The following UTS2B variants were observed in gnomAD, a reference collection of about 807,000 sequenced individuals.
UTS2B encodes the protein urotensin 2B, also known as urotensin-2B.
A neutral mutation model predicts 19.2 loss-of-function variants in UTS2B; 21 were observed. That is an observed-to-expected ratio of 1.09 (90% CI 0.78 to 1.58). The LOEUF (loss-of-function observed/expected upper bound fraction) is 1.58. Ranked by LOEUF, UTS2B falls within the 40% of genes most tolerant of loss-of-function variation. The pLI, the probability that UTS2B is intolerant of heterozygous loss-of-function variation, is 0.00. For missense variants in UTS2B, 138 were observed against 130.3 expected, an observed-to-expected ratio of 1.06 and a Z score of -0.29; for synonymous variants, 57 against 50.2, an observed-to-expected ratio of 1.14 and a Z score of -0.58.
chr3:191,273,671 G>A, intron 8 of UTS2B: 1 of 443,330 alleles, frequency 2.3e-6, no homozygotes, highest in Non-Finnish European at 4.6e-6. Flanking sequence ...ACACCTAATA[G>A]CCTAAGCTAT....
chr3:191,305,944 G>A (rs903848571), intron 3 of UTS2B, among the ~76,000 whole-genome samples: 8 of 151,874 alleles, frequency 5.3e-5, no homozygotes, highest in African/African-American at 1.5e-4. Flanking sequence ...CTTTTTTTTG[G>A]GGGGTCAGGT....
At chr3:191,291,728 A>G in intron 4 of UTS2B, among the ~76,000 whole-genome samples, 1 of 152,208 alleles carries the variant, frequency 6.6e-6, no homozygotes, top group East Asian at 1.9e-4. Flanking sequence ...CTGGGATTAC[A>G]TGCGTGAGCC....
chr3:191,294,381 T>C (rs1229672960), intron 4 of UTS2B, among the ~76,000 whole-genome samples: 1 of 151,834 alleles, frequency 6.6e-6, no homozygotes, highest in Non-Finnish European at 1.5e-5. Flanking sequence ...TAGCAGTGCC[T>C]TTGTAAGAAA....
At chr3:191,337,168 G>GAA in the UTS2B span, among the ~76,000 whole-genome samples, 1 of 141,118 alleles carries the variant, frequency 7.1e-6, no homozygotes. Flanking sequence ...ATACTAGACA[G>GAA]AAAAAAAAAA....
chr3:191,278,993 A>G (rs1354967129), intron 5 of UTS2B, among the ~76,000 whole-genome samples: 1 of 152,036 alleles, frequency 6.6e-6, no homozygotes, highest in Non-Finnish European at 1.5e-5. Flanking sequence ...AGTAAAAGCA[A>G]TATTAATGAG....
chr3:191,307,301 C>A (rs752741987), intron 3 of UTS2B, among the ~76,000 whole-genome samples: 9 of 152,096 alleles, frequency 5.9e-5, no homozygotes, highest in Non-Finnish European at 1.2e-4. Context: ...CTATACATCT[C>A]CTCACCAACT....
At chr3:191,308,416 A>G (rs1717202189) in intron 3 of UTS2B, among the ~76,000 whole-genome samples, 1 of 152,196 alleles carries the variant, frequency 6.6e-6, no homozygotes, top group Non-Finnish European at 1.5e-5. Context: ...CAGTTGCTGT[A>G]TTACCTCAAA....
At chr3:191,306,892 A>G (rs1717155543) in intron 3 of UTS2B, among the ~76,000 whole-genome samples, 1 of 152,274 alleles carries the variant, frequency 6.6e-6, no homozygotes, top group East Asian at 1.9e-4. Flanking sequence ...TCAGCCTCCC[A>G]AAGTGCTGGG....
At chr3:191,338,698 G>C in the UTS2B span, among the ~76,000 whole-genome samples, 1 of 152,258 alleles carries the variant, frequency 6.6e-6, no homozygotes, top group East Asian at 1.9e-4. Context: ...AAGCTCCATA[G>C]AGCTAATCTT....
intron 3 of UTS2B, among the ~76,000 whole-genome samples, chr3:191,306,528 C>T (rs562998532): frequency 1.3e-5 from 2 of 152,322 alleles, no homozygotes; most frequent in African/African-American, 4.8e-5. Flanking sequence ...TAATACAGCA[C>T]AGAGACATTT....
intron 4 of UTS2B, chr3:191,294,806 A>C (rs553342956): frequency 1.3e-5 from 2 of 151,774 alleles, no homozygotes; most frequent in South Asian, 4.2e-4. Context: ...AGGCTGGTGG[A>C]TCACCTAAGG....
intron 7 of UTS2B, among the ~76,000 whole-genome samples, chr3:191,276,013 T>C: frequency 6.6e-6 from 1 of 152,220 alleles, no homozygotes; most frequent in Non-Finnish European, 1.5e-5. Flanking sequence ...AATGAGCAGG[T>C]CTTTTCAAGG....
chr3:191,310,338 AC>A (rs1364127442), intron 3 of UTS2B, among the ~76,000 whole-genome samples: 3 of 151,998 alleles, frequency 2.0e-5, no homozygotes, highest in African/African-American at 7.3e-5. Context: ...CCCTTTCAAA[AC>A]AAATAGTAGG....
At chr3:191,309,676 C>G (rs1249267365) in intron 3 of UTS2B, among the ~76,000 whole-genome samples, 1 of 152,072 alleles carries the variant, frequency 6.6e-6, no homozygotes, top group Non-Finnish European at 1.5e-5. Flanking sequence ...AGTACCAACC[C>G]CTCGATGCTG....
chr3:191,297,872 G>C (rs1308132982), intron 4 of UTS2B, among the ~76,000 whole-genome samples: 16 of 152,116 alleles, frequency 1.1e-4, no homozygotes. Flanking sequence ...ACTTAAATAA[G>C]TATTTACATT....
Position 191,274,584 on chromosome 3 carries a change from C to T in UTS2B, c.334+668G>A, listed in dbSNP as rs1184457042. Among the ~76,000 whole-genome samples, 4 of 152,230 alleles carry T rather than the reference C, an allele frequency of 2.6e-5. No homozygotes were observed. The East Asian group carries it at 5.8e-4, about 22-fold the overall frequency. ...TTTGAGACATTAAAATATAAAATGT[C>T]TGGTATATGTTTAGGGCTTAACACT... On this transcript the variant is annotated intron_variant, in intron 8 of 8. Coordinates refer to ENST00000340524, the MANE Select transcript of UTS2B (RefSeq NM_198152.5).
upstream of UTS2B, among the ~76,000 whole-genome samples, chr3:191,331,355 G>A (rs1717977767): frequency 2.0e-5 from 3 of 152,068 alleles, no homozygotes; most frequent in Non-Finnish European, 4.4e-5. Flanking sequence ...TTCTGATTTC[G>A]TACCAAGACA....
At chr3:191,291,543 C>T (rs1716717556) in intron 4 of UTS2B, among the ~76,000 whole-genome samples, 1 of 152,098 alleles carries the variant, frequency 6.6e-6, no homozygotes, top group African/African-American at 2.4e-5. Context: ...AGCTCCACCA[C>T]CTGGGTTCAT....
chr3:191,297,759 A>C (rs1016704844), intron 4 of UTS2B, among the ~76,000 whole-genome samples: 2 of 152,210 alleles, frequency 1.3e-5, no homozygotes, highest in Non-Finnish European at 2.9e-5. Flanking sequence ...ACATAGTGTT[A>C]GTTAAAGTGG....
Sources: gnomAD v4.1 joint callset for allele counts (sites outside exome capture counted in the v4.1 genomes callset) on GRCh38, gnomAD v4.1.1 for gene constraint, MANE v1.5 for transcripts, NCBI Gene and HGNC (gene_info 2026-07-23, HGNC 2026-07-21) for gene names.